FAM193A: variants seen among roughly 807,000 people sequenced by gnomAD.
FAM193A encodes the protein protein FAM193A.
A neutral mutation model predicts 126.5 loss-of-function variants in FAM193A; 22 were observed. That is an observed-to-expected ratio of 0.17 (90% CI 0.12 to 0.25). The LOEUF (loss-of-function observed/expected upper bound fraction) is 0.25. FAM193A is among the 10% of genes least tolerant of loss of function. The probability of loss-of-function intolerance (pLI) is 1.00; values close to 1 mark genes in which losing one functional copy is unlikely to be tolerated. For synonymous variants in FAM193A, 761 were observed against 646.8 expected (o/e 1.18, Z -2.68); for missense variants, 1,675 against 1,672.8 (o/e 1.00, Z -0.02).
chr4:2,729,671 A>G (rs903229889), intron 20 of FAM193A, among the ~76,000 whole-genome samples: 2 of 152,108 alleles, frequency 1.3e-5, no homozygotes, highest in Non-Finnish European at 2.9e-5. Flanking sequence ...GGTACCTGCC[A>G]CCGGCAACAG....
chr4:2,567,741 C>T (rs1739053105), intron 1 of FAM193A, among the ~76,000 whole-genome samples: 1 of 152,136 alleles, frequency 6.6e-6, no homozygotes, highest in South Asian at 2.1e-4. Flanking sequence ...GCACCTTGTG[C>T]CATGCCCAGA....
At chr4:2,725,598 G>C (rs893074935) in intron 20 of FAM193A, among the ~76,000 whole-genome samples, 3 of 151,608 alleles carry the variant, frequency 2.0e-5, no homozygotes, top group Non-Finnish European at 2.9e-5. Context: ...GGCCAAAGTA[G>C]CTGTAAATTA....
chr4:2,566,148 C>T (rs1302144010), intron 1 of FAM193A, among the ~76,000 whole-genome samples: 7 of 151,792 alleles, frequency 4.6e-5, no homozygotes, highest in Non-Finnish European at 7.4e-5. Flanking sequence ...TCTGGGTTCA[C>T]GCCATTCTGC....
intron 1 of FAM193A, among the ~76,000 whole-genome samples, chr4:2,543,581 G>A (rs973421598): frequency 6.6e-6 from 1 of 152,074 alleles, no homozygotes; most frequent in Admixed American, 6.6e-5. Context: ...TAGGGACCGG[G>A]CATAGTGGCT....
chr4:2,644,174 G>A (rs1217248213), intron 6 of FAM193A, among the ~76,000 whole-genome samples: 1 of 152,146 alleles, frequency 6.6e-6, no homozygotes, highest in Non-Finnish European at 1.5e-5. Context: ...CCCTGTGCCT[G>A]CAGATTGCTT....
chr4:2,538,460 T>C (rs1000390256), intron 1 of FAM193A, among the ~76,000 whole-genome samples: 3 of 152,170 alleles, frequency 2.0e-5, no homozygotes, highest in Admixed American at 6.6e-5. Flanking sequence ...CCCAAAGTGC[T>C]GGGATTACAG....
chr4:2,700,005 C>G lies in FAM193A; in HGVS notation c.3833C>G (p.Ser1278Cys), dbSNP rs755568976. ...EEPETSSHSP[S>C]RHMNHSEPRP... is the part of the protein sequence containing the mutation. ...CCAGAAACCTCTTCTCACTCCCCAT[C>G]CAGGCATATGAACCACTCAGAGCCC... The change falls in exon 19 of 21, where the codon TCC (serine) becomes TGC (cysteine). Residue 1278 changes from serine (S) to cysteine (C), a missense_variant. Physicochemically the swap from Ser to Cys is moderately radical, Grantham distance 112. Transcript: ENST00000637812. 1.9e-6 allele frequency: 3 copies of G among 1,613,810 alleles called. No individual in the cohort carries two copies. In the East Asian group the frequency reaches 6.7e-5, roughly 36 times the overall value.
intron 2 of FAM193A, among the ~76,000 whole-genome samples, chr4:2,600,910 T>A (rs978636158): frequency 3.3e-5 from 5 of 152,240 alleles, no homozygotes; most frequent in Admixed American, 3.3e-4. Context: ...GTTCAATTTC[T>A]TTAATGGTTA....
intron 18 of FAM193A, 145 bp from the exon 19 acceptor site, chr4:2,699,535 T>G: frequency 1.7e-6 from 1 of 603,006 alleles, no homozygotes; most frequent in Non-Finnish European, 2.8e-6. Flanking sequence ...TGGAGGTGGG[T>G]GTGTGTTAAG....
intron 1 of FAM193A, among the ~76,000 whole-genome samples, chr4:2,584,118 T>G (rs889507378): frequency 6.6e-6 from 1 of 152,320 alleles, no homozygotes; most frequent in South Asian, 2.1e-4. Context: ...GTGATCTATT[T>G]CAACTTAATT....
At chr4:2,709,415 A>C (rs1718667457) in intron 19 of FAM193A, among the ~76,000 whole-genome samples, 1 of 152,112 alleles carries the variant, frequency 6.6e-6, no homozygotes, top group South Asian at 2.1e-4. Flanking sequence ...AAAAAGAATT[A>C]GGAAGTTTTT....
intron 1 of FAM193A, among the ~76,000 whole-genome samples, chr4:2,571,448 G>A (rs962898936): frequency 6.6e-6 from 1 of 152,122 alleles, no homozygotes; most frequent in African/African-American, 2.4e-5. Context: ...GGTTTTGGAA[G>A]TGAATGGCTT....
chr4:2,620,925 G>C lies in FAM193A; in HGVS notation c.502-4337G>C, dbSNP rs938931397. Among the ~76,000 whole-genome samples the C allele has an allele frequency of 3.9e-5, 6 of 151,974 alleles. No homozygotes were observed. The East Asian group carries it at 1.2e-3, about 29-fold the overall frequency. ...AAGTGAATGCTAAAGAATATGGCCG[G>C]GGCAGATTTAGGGAGCAGCCACTAA... On this transcript the variant is annotated intron_variant, in intron 2 of 20. Transcript: ENST00000637812.
intron 2 of FAM193A, among the ~76,000 whole-genome samples, chr4:2,618,121 G>C (rs1055785670): frequency 2.0e-5 from 3 of 151,820 alleles, no homozygotes; most frequent in Middle Eastern, 6.8e-3. Flanking sequence ...CTTTGCTCCT[G>C]CATATGTAAG....
intron 19 of FAM193A, among the ~76,000 whole-genome samples, chr4:2,709,305 T>TA: frequency 6.6e-6 from 1 of 152,324 alleles, no homozygotes; most frequent in Non-Finnish European, 1.5e-5. Context: ...CATTATTTAA[T>TA]ATATTTACAT....
At chr4:2,581,220 C>A (rs1739912533) in intron 1 of FAM193A, among the ~76,000 whole-genome samples, 1 of 150,428 alleles carries the variant, frequency 6.6e-6, no homozygotes, top group South Asian at 2.1e-4. Flanking sequence ...TGTTCTGATA[C>A]CATATTCTCT....
chr4:2,549,395 C>CTTTT (rs869161808), intron 1 of FAM193A, among the ~76,000 whole-genome samples: 14 of 122,646 alleles, frequency 1.1e-4, no homozygotes, highest in African/African-American at 2.0e-4. Flanking sequence ...TTCTTTTTTT[C>CTTTT]TTTTTTTTTT....
intron 6 of FAM193A, among the ~76,000 whole-genome samples, chr4:2,644,632 A>G (rs1191824990): frequency 1.3e-5 from 2 of 152,032 alleles, no homozygotes; most frequent in African/African-American, 4.8e-5. Flanking sequence ...GCTTCCCTAA[A>G]TGACTGCCCA....
intron 7 of FAM193A, chr4:2,654,579 G>T (rs1745991933): frequency 6.6e-6 from 1 of 151,580 alleles, no homozygotes; most frequent in Admixed American, 6.6e-5. Flanking sequence ...TGTGAGGAGA[G>T]AGTCAAGGAA....
Sources: gnomAD v4.1 joint callset for allele counts (sites outside exome capture counted in the v4.1 genomes callset) on GRCh38, gnomAD v4.1.1 for gene constraint, MANE v1.5 for transcripts, NCBI Gene and HGNC (gene_info 2026-07-23, HGNC 2026-07-21) for gene names.